MAGI3: variants seen among roughly 807,000 people sequenced by gnomAD.
MAGI3 encodes the protein membrane associated guanylate kinase, WW and PDZ domain containing 3, also known as membrane-associated guanylate kinase, WW and PDZ domain-containing protein 3.
MAGI3 carries 43 observed loss-of-function variants against 121.8 expected under a neutral mutation model. That is an observed-to-expected ratio of 0.35 (90% CI 0.28 to 0.46). MAGI3 has a LOEUF of 0.46. Among genes scored for constraint, MAGI3 ranks in the 20% least tolerant of loss-of-function variants. MAGI3 has a pLI of 1.00. For synonymous variants in MAGI3, 553 were observed against 639.3 expected (o/e 0.86, Z 2.04); for missense variants, 1,547 against 1,797.3 (o/e 0.86, Z 2.52).
chr1:113,576,051 C>T (rs1385703464), intron 2 of MAGI3, among the ~76,000 whole-genome samples: 2 of 152,192 alleles, frequency 1.3e-5, no homozygotes, highest in Non-Finnish European at 2.9e-5. Flanking sequence ...CCACCAAGCT[C>T]GATCATCCCA....
chr1:113,504,005 A>G (rs1657182862), intron 1 of MAGI3, among the ~76,000 whole-genome samples: 1 of 152,114 alleles, frequency 6.6e-6, no homozygotes, highest in Non-Finnish European at 1.5e-5. Flanking sequence ...AAGTATATTT[A>G]CTTTAATAAT....
intron 1 of MAGI3, chr1:113,450,078 T>G: frequency 1.3e-6 from 2 of 1,513,586 alleles, no homozygotes; most frequent in Non-Finnish European, 1.8e-6. Context: ...CTTTGAAAAG[T>G]ATGGCAAAAT....
At chr1:113,553,258 A>G (rs959562815) in intron 2 of MAGI3, among the ~76,000 whole-genome samples, 3 of 152,156 alleles carry the variant, frequency 2.0e-5, no homozygotes, top group Non-Finnish European at 4.4e-5. Flanking sequence ...GCAGAGTACA[A>G]TGGACTCTGA....
intron 9 of MAGI3, among the ~76,000 whole-genome samples, chr1:113,634,664 T>C (rs1319083548): frequency 2.6e-5 from 4 of 152,190 alleles, no homozygotes. Flanking sequence ...AGTCAGGTAG[T>C]GTAATGCCTC....
Position 113,459,562 on chromosome 1 carries a change from A to G in MAGI3, c.316+68213A>G, listed in dbSNP as rs201390025. On this transcript the variant is annotated intron_variant, in intron 1 of 20. Coordinates refer to ENST00000307546, the MANE Select transcript of MAGI3 (RefSeq NM_001142782.2). ...TTCTTAAGTTTCAGAAAATTTATCT[A>G]GGATATCATCATCTGAAGATTCATA... 3.3e-5 allele frequency among the ~76,000 whole-genome samples: 5 copies of G among 152,360 alleles called. No homozygotes were observed. In the East Asian group the frequency reaches 7.7e-4, roughly 23 times the overall value.
rs192971498 is a variant in MAGI3 at position 113,605,815 on chromosome 1, G to T, written c.1019-8786G>T. Reference sequence around the variant, plus strand: ...GGGTTTCACCGTATTGGCGAGGCTGGTCTCGAACTCCTGACCTCGTGATCC... The same window carrying T: ...GGGTTTCACCGTATTGGCGAGGCTGTTCTCGAACTCCTGACCTCGTGATCC... On this transcript the variant is annotated intron_variant, in intron 6 of 20. Coordinates refer to ENST00000307546, the MANE Select transcript of MAGI3 (RefSeq NM_001142782.2). 1.7e-3 allele frequency among the ~76,000 whole-genome samples: 259 copies of T among 152,184 alleles called. 1 individual carries two copies. The highest frequency in any genetic ancestry group is 6.1e-3 in the African/African-American group (254 of 41,524).
intron 6 of MAGI3, among the ~76,000 whole-genome samples, chr1:113,607,284 G>A (rs1238718441): frequency 6.6e-6 from 1 of 152,006 alleles, no homozygotes; most frequent in South Asian, 2.1e-4. Context: ...TCCGTATGTC[G>A]GATTATCACA....
chr1:113,466,116 A>T (rs1004026656), intron 1 of MAGI3, among the ~76,000 whole-genome samples: 2 of 152,062 alleles, frequency 1.3e-5, no homozygotes, highest in African/African-American at 4.8e-5. Flanking sequence ...CTTTGAGTGC[A>T]GTGTTAGCTG....
intron 1 of MAGI3, among the ~76,000 whole-genome samples, chr1:113,395,273 G>A (rs1171750992): frequency 6.6e-6 from 1 of 151,424 alleles, no homozygotes; most frequent in Non-Finnish European, 1.5e-5. Context: ...GAGACCTAGA[G>A]ATTATTTTAG....
chr1:113,644,546 G>T (rs1032097788), intron 11 of MAGI3, among the ~76,000 whole-genome samples: 3 of 152,186 alleles, frequency 2.0e-5, no homozygotes, highest in Admixed American at 1.3e-4. Flanking sequence ...CTCCCAAAGT[G>T]CTGGGATTAC....
chr1:113,440,385 T>C (rs915978735), intron 1 of MAGI3, among the ~76,000 whole-genome samples: 4 of 152,234 alleles, frequency 2.6e-5, no homozygotes, highest in Non-Finnish European at 5.9e-5. Context: ...AGTTTCTTTC[T>C]TTCTTTCTCA....
intron 1 of MAGI3, among the ~76,000 whole-genome samples, chr1:113,402,088 G>A (rs1651439745): frequency 6.6e-6 from 1 of 152,208 alleles, no homozygotes; most frequent in African/African-American, 2.4e-5. Flanking sequence ...GCAGAGACTA[G>A]AACTCAGATT....
chr1:113,641,069 TATAA>T (rs1557869019), intron 9 of MAGI3, among the ~76,000 whole-genome samples: 1 of 123,980 alleles, frequency 8.1e-6, no homozygotes, highest in African/African-American at 3.1e-5. Flanking sequence ...ATATGATATA[TATAA>T]TATATATGAG....
intron 19 of MAGI3, among the ~76,000 whole-genome samples, chr1:113,674,120 G>A (rs1038878921): frequency 1.3e-5 from 2 of 152,162 alleles, no homozygotes; most frequent in African/African-American, 2.4e-5. Flanking sequence ...TGCTGGGCGC[G>A]GTGGCTCACG....
At chr1:113,531,093 T>C (rs1476536252) in intron 1 of MAGI3, among the ~76,000 whole-genome samples, 2 of 152,192 alleles carry the variant, frequency 1.3e-5, no homozygotes, top group Non-Finnish European at 2.9e-5. Flanking sequence ...TCTGAATAAA[T>C]GTAACTGAGT....
In MAGI3 at chr1:113,685,800, G is replaced by A. The variant is rs568967183; in HGVS notation, c.*1786G>A. The A allele has an allele frequency of 6.6e-6, 1 of 152,418 alleles. No homozygotes were observed. The highest frequency in any genetic ancestry group is 1.9e-4 in the East Asian group (1 of 5,324). The allele number at this position is 152,418 out of a possible 1,614,324, so 9.4% of individuals were successfully genotyped here. A position where few individuals can be genotyped will look rare whatever the true frequency, so the allele number is the denominator to read the frequency against. On this transcript the variant is annotated 3_prime_UTR_variant, in exon 21 of 21. Transcript: ENST00000307546. ...GTGGCCTTGGAATGCTGAGCAAAAT[G>A]TGGATGTACTGGTTGTAAATGTTTA...
intron 20 of MAGI3, among the ~76,000 whole-genome samples, chr1:113,681,888 A>G (rs1571046162): frequency 6.6e-6 from 1 of 152,312 alleles, no homozygotes; most frequent in South Asian, 2.1e-4. Flanking sequence ...CTGGGTTTCC[A>G]TGGCATGTTT....
At chr1:113,627,718 C>T (rs930871692) in intron 9 of MAGI3, among the ~76,000 whole-genome samples, 1 of 151,334 alleles carries the variant, frequency 6.6e-6, no homozygotes, top group African/African-American at 2.4e-5. Flanking sequence ...GATGCATATA[C>T]ATTTACAATT....
At chr1:113,457,269 T>C (rs1353250126) in intron 1 of MAGI3, among the ~76,000 whole-genome samples, 1 of 152,200 alleles carries the variant, frequency 6.6e-6, no homozygotes, top group Non-Finnish European at 1.5e-5. Flanking sequence ...AGGTTTTCAT[T>C]TGCTTGATAT....
Sources: gnomAD v4.1 joint callset for allele counts (sites outside exome capture counted in the v4.1 genomes callset) on GRCh38, gnomAD v4.1.1 for gene constraint, MANE v1.5 for transcripts, NCBI Gene and HGNC (gene_info 2026-07-23, HGNC 2026-07-21) for gene names.